ADAMTS16: variants seen among roughly 807,000 people sequenced by gnomAD.
The protein encoded by ADAMTS16 is A disintegrin and metalloproteinase with thrombospondin motifs 16.
A neutral mutation model predicts 145.8 loss-of-function variants in ADAMTS16; 94 were observed. The ratio of observed to expected loss-of-function variants is 0.64; its 90% confidence interval spans 0.55 to 0.77. The LOEUF is 0.77. Ranked by LOEUF, ADAMTS16 falls within the 30% of genes least tolerant of loss-of-function variation. The probability of loss-of-function intolerance (pLI) is 0.00; values close to 1 mark genes in which losing one functional copy is unlikely to be tolerated. For missense variants in ADAMTS16, 1,585 were observed against 1,591.5 expected (o/e 1.00, Z 0.07); for synonymous variants, 659 against 604.3 (o/e 1.09, Z -1.33).
chr5:5,279,318 C>T (rs1738812810), intron 18 of ADAMTS16, among the ~76,000 whole-genome samples: 1 of 152,212 alleles, frequency 6.6e-6, no homozygotes, highest in South Asian at 2.1e-4. Flanking sequence ...TCACTTTCCC[C>T]AGGAGTTTTA....
intron 3 of ADAMTS16, among the ~76,000 whole-genome samples, chr5:5,171,354 A>G (rs1305758240): frequency 2.6e-5 from 4 of 152,166 alleles, no homozygotes. Context: ...GTTCCAGATC[A>G]CAGAGGAAAG....
At position 5,236,990 on chromosome 5, in the gene ADAMTS16, A is replaced by G; in HGVS notation, c.2045A>G (p.Tyr682Cys). 6.2e-7 allele frequency: 1 copy of G among 1,613,808 alleles called. No individual in the cohort carries two copies. The highest frequency in any genetic ancestry group is 8.5e-7 in the Non-Finnish European group (1 of 1,179,956). ...QVEDQDLCKL[Y>C]CIAEGFDFFF... ...TAAGATCAGGACTTATGCAAACTCTACTGTATCGCAGAAGGATTTGATTTC... is the reference window on the plus strand; with the variant it reads ...TAAGATCAGGACTTATGCAAACTCTGCTGTATCGCAGAAGGATTTGATTTC... Residue 682 changes from tyrosine to cysteine, a missense_variant, in exon 14 of 23, where the codon TAC becomes TGC. Physicochemically the swap from Tyr to Cys is radical, Grantham distance 194. This residue lies in a region of ADAMTS16 where 834 missense variants were observed against 811.7 expected (regional missense o/e 1.03). Coordinates refer to ENST00000274181, the MANE Select transcript of ADAMTS16 (RefSeq NM_139056.4).
At chr5:5,205,059 A>G (rs763271473) in intron 9 of ADAMTS16, among the ~76,000 whole-genome samples, 16 of 151,764 alleles carry the variant, frequency 1.1e-4, no homozygotes, top group Non-Finnish European at 1.6e-4. Context: ...GTAAAGTGCT[A>G]TAATCTTTTG....
chr5:5,187,604 A>G, intron 5 of ADAMTS16, 121 bp from the exon 6 acceptor site: 2 of 717,000 alleles, frequency 2.8e-6, no homozygotes, highest in South Asian at 3.2e-5. Context: ...CTGCCTAGCA[A>G]TACAAGAAAG....
At chr5:5,250,514 T>C (rs1737588285) in intron 17 of ADAMTS16, among the ~76,000 whole-genome samples, 1 of 152,164 alleles carries the variant, frequency 6.6e-6, no homozygotes, top group Admixed American at 6.5e-5. Flanking sequence ...AAACCTACTC[T>C]TTAGTAACCC....
chr5:5,207,457 C>G (rs1736158929), intron 9 of ADAMTS16, among the ~76,000 whole-genome samples: 1 of 151,978 alleles, frequency 6.6e-6, no homozygotes, highest in Admixed American at 6.6e-5. Flanking sequence ...CAAATTTCTA[C>G]CTAGACAATC....
intron 2 of ADAMTS16, chr5:5,142,017 A>G (rs975862913): frequency 6.6e-6 from 1 of 152,228 alleles, no homozygotes; most frequent in Non-Finnish European, 1.5e-5. Flanking sequence ...TAATTCTTAC[A>G]ATTTTAAAGG....
rs77722415 is a variant in ADAMTS16 at position 5,180,983 on chromosome 5, G to A, written c.502-1061G>A. Among the ~76,000 whole-genome samples, 313 of 152,184 alleles carry A rather than the reference G, an allele frequency of 2.1e-3. 1 individual carries two copies. Among genetic ancestry groups the A allele is most frequent in the African/African-American group, 7.2e-3 (299 of 41,514 alleles). On this transcript the variant is annotated intron_variant, in intron 3 of 22. Coordinates refer to ENST00000274181, the MANE Select transcript of ADAMTS16 (RefSeq NM_139056.4). ...TCAGTACGTAACTCTAACTTTTAGT[G>A]GTTATATAACCTCCAATTATACAAA...
chr5:5,219,067 C>T lies in ADAMTS16; in HGVS notation c.1606-3722C>T, dbSNP rs537011037. ...ATGAAAACAGGAGTGTCTGTTCTCA[C>T]TTAGGTCTGTGGTACAGGCCTGAGT... is the stretch of plus-strand genomic sequence containing the variant. On this transcript the variant is annotated intron_variant, in intron 10 of 22. Transcript: ENST00000274181. Among the ~76,000 whole-genome samples, 4 of 152,202 alleles carry T rather than the reference C, an allele frequency of 2.6e-5. 1 individual carries two copies. The South Asian group carries it at 6.2e-4, about 24-fold the overall frequency.
rs137886809 is a variant in ADAMTS16 at position 5,280,599 on chromosome 5, C to A, written c.2789+17816C>A. Reference sequence around the variant, plus strand: ...CCCAAGTCAGTCTCTGCAATGGGAACCTCCTTCCTGGCCTTCCTTAGAATT... The same window carrying A: ...CCCAAGTCAGTCTCTGCAATGGGAAACTCCTTCCTGGCCTTCCTTAGAATT... On this transcript the variant is annotated intron_variant, in intron 18 of 22. Transcript: ENST00000274181. 3.6e-3 allele frequency among the ~76,000 whole-genome samples: 548 copies of A among 152,230 alleles called. 2 individuals carry two copies. Among genetic ancestry groups the A allele is most frequent in the African/African-American group, 0.012 (485 of 41,516 alleles).
At chr5:5,145,836 C>T (rs1342862349) in intron 2 of ADAMTS16, among the ~76,000 whole-genome samples, 1 of 152,142 alleles carries the variant, frequency 6.6e-6, no homozygotes, top group Non-Finnish European at 1.5e-5. Flanking sequence ...GAGGAGCATG[C>T]CCCTGAGTGG....
In ADAMTS16 at chr5:5,262,651, C is replaced by T. The variant is rs1475256252; in HGVS notation, c.2663-6C>T. 2 of 1,613,058 alleles carry T rather than the reference C, an allele frequency of 1.2e-6. No homozygotes were observed. The highest frequency in any genetic ancestry group is 1.7e-6 in the Non-Finnish European group (2 of 1,179,514). ...TCTTTATTCTACATTTCATCCTTGC[C>T]TGCAGGACAGATGACCGTGAGAGAG... On this transcript the variant is annotated splice_region_variant and splice_polypyrimidine_tract_variant and intron_variant, in intron 17 of 22. Coordinates refer to ENST00000274181, the MANE Select transcript of ADAMTS16 (RefSeq NM_139056.4).
intron 18 of ADAMTS16, among the ~76,000 whole-genome samples, chr5:5,290,127 G>A (rs111991408): frequency 5.9e-4 from 90 of 152,268 alleles, no homozygotes; most frequent in African/African-American, 2.0e-3. Context: ...TCAAGAAAAT[G>A]GCTTGTCTTC....
intron 9 of ADAMTS16, among the ~76,000 whole-genome samples, chr5:5,205,113 G>A (rs954706343): frequency 2.6e-5 from 4 of 151,578 alleles, no homozygotes; most frequent in Non-Finnish European, 5.9e-5. Context: ...TTCTCTCTTG[G>A]TGAGAGTATT....
In ADAMTS16 at chr5:5,249,994, A is replaced by G. The variant is rs547386116; in HGVS notation, c.2662+7803A>G. On this transcript the variant is annotated intron_variant, in intron 17 of 22. Transcript: ENST00000274181. ...TCCCTGGCTGAACTCCTTTCCAACCATAGTCTCCAATGTCCAGCTACTTTT... is the reference window on the plus strand; with the variant it reads ...TCCCTGGCTGAACTCCTTTCCAACCGTAGTCTCCAATGTCCAGCTACTTTT... Among the ~76,000 whole-genome samples the G allele has an allele frequency of 1.2e-3, 176 of 152,278 alleles. 1 individual carries two copies. The highest frequency in any genetic ancestry group is 2.2e-3 in the Non-Finnish European group (153 of 68,020).
intron 3 of ADAMTS16, among the ~76,000 whole-genome samples, chr5:5,147,070 C>G (rs1167682028): frequency 6.6e-6 from 1 of 152,140 alleles, no homozygotes; most frequent in Non-Finnish European, 1.5e-5. Context: ...TTTACAGGGA[C>G]GCTAGAGCCG....
In ADAMTS16 at chr5:5,170,442, G is replaced by A. The variant is rs544055514; in HGVS notation, c.502-11602G>A. Among the ~76,000 whole-genome samples the A allele has an allele frequency of 5.9e-5, 9 of 152,014 alleles. No individual in the cohort carries two copies. The East Asian group carries it at 1.4e-3, about 23-fold the overall frequency. On this transcript the variant is annotated intron_variant, in intron 3 of 22. Coordinates refer to ENST00000274181, the MANE Select transcript of ADAMTS16 (RefSeq NM_139056.4). ...CACCCAGGCTGGAGTGCAATGGCGC[G>A]ATCTCGGCTCGTGGAAACCTTCTCC...
chr5:5,311,399 G>A (rs545931875), intron 21 of ADAMTS16, among the ~76,000 whole-genome samples: 8 of 150,946 alleles, frequency 5.3e-5, no homozygotes, highest in East Asian at 1.9e-4. Context: ...AATTTAATCC[G>A]CCCTGGAATC....
chr5:5,303,093 C>G (rs1203709120), intron 18 of ADAMTS16, among the ~76,000 whole-genome samples, 175 bp from the exon 19 acceptor site: 1 of 152,120 alleles, frequency 6.6e-6, no homozygotes, highest in Non-Finnish European at 1.5e-5. Flanking sequence ...TGAGAAACAG[C>G]AGGCGCAGGG....
Sources: allele counts gnomAD v4.1 joint callset (sites outside exome capture counted in the v4.1 genomes callset), GRCh38; gene constraint gnomAD v4.1.1; regional missense constraint gnomAD v4.1.1; transcripts MANE v1.5; gene names NCBI Gene and HGNC (gene_info 2026-07-23, HGNC 2026-07-21).